The following MORF4L1 variants were observed in gnomAD, a reference collection of about 807,000 sequenced individuals.
The protein encoded by MORF4L1 is mortality factor 4 like 1.
A neutral mutation model predicts 52.9 loss-of-function variants in MORF4L1; 4 were observed. That is an observed-to-expected ratio of 0.08 (90% CI 0.04 to 0.17). The LOEUF (loss-of-function observed/expected upper bound fraction) is 0.17, where lower values mean the gene tolerates loss of function less well. Ranked by LOEUF, MORF4L1 falls within the 10% of genes least tolerant of loss-of-function variation. The pLI is 1.00. For missense variants in MORF4L1, 214 were observed against 390.4 expected, an observed-to-expected ratio of 0.55 and a Z score of 3.81; for synonymous variants, 123 against 134.8, an observed-to-expected ratio of 0.91 and a Z score of 0.61.
At chr15:78,887,607 G>A (rs1226520923) in intron 5 of MORF4L1, among the ~76,000 whole-genome samples, 1 of 152,146 alleles carries the variant, frequency 6.6e-6, no homozygotes, top group East Asian at 1.9e-4. Context: ...TAGTACTAGT[G>A]GTTATAAGTT....
chr15:78,894,320 AT>A, intron 10 of MORF4L1, 90 bp downstream of exon 10: 1 of 1,012,018 alleles, frequency 9.9e-7, no homozygotes, highest in Non-Finnish European at 1.4e-6. Context: ...TTTCCAAAAC[AT>A]GACTCCCATT....
intron 2 of MORF4L1, among the ~76,000 whole-genome samples, chr15:78,878,484 A>C (rs1218553846): frequency 6.6e-6 from 1 of 152,168 alleles, no homozygotes; most frequent in African/African-American, 2.4e-5. Flanking sequence ...ACTCATCTGG[A>C]AGTAGCATTT....
At chr15:78,884,849 C>T (rs950044271) in intron 3 of MORF4L1, 8 of 561,712 alleles carry the variant, frequency 1.4e-5, no homozygotes, top group Non-Finnish European at 2.4e-5. Flanking sequence ...TTTCAAACCT[C>T]ATTGGAATTT....
intron 3 of MORF4L1, among the ~76,000 whole-genome samples, chr15:78,882,810 G>A (rs1390290223): frequency 2.8e-5 from 2 of 72,264 alleles, no homozygotes; most frequent in Non-Finnish European, 5.2e-5. Context: ...GTATGGTGGT[G>A]CCTATAGTTT....
At chr15:78,888,344 G>T (rs1263461792) in intron 5 of MORF4L1, among the ~76,000 whole-genome samples, 2 of 151,862 alleles carry the variant, frequency 1.3e-5, no homozygotes, top group Non-Finnish European at 2.9e-5. Context: ...GCACATGCTT[G>T]TAGTCCCACC....
rs1018641431 is a variant in MORF4L1, at chr15:78,897,763, A to G, written c.*696A>G. The G allele has an allele frequency of 6.6e-6, 1 of 152,626 alleles. No homozygotes were observed. Among genetic ancestry groups the G allele is most frequent in the Non-Finnish European group, 1.5e-5 (1 of 68,044 alleles). 9.5% of individuals were successfully genotyped at this position (152,626 alleles called of 1,614,324 possible). On this transcript the variant is annotated 3_prime_UTR_variant, in exon 12 of 12. Coordinates refer to ENST00000426013, the MANE Select transcript of MORF4L1 (RefSeq NM_006791.4). ...AATGTGCTTGTGTTGATGCCTTACA[A>G]AAACCATTGTATATTTGTGTATTCC...
intron 1 of MORF4L1, among the ~76,000 whole-genome samples, chr15:78,875,935 TTTTGTTTTG>T (rs2056479642): frequency 6.8e-6 from 1 of 147,978 alleles, no homozygotes; most frequent in African/African-American, 2.7e-5. Flanking sequence ...TGTTTTTTTG[TTTTGTTTTG>T]TTTTTTTCTT....
At chr15:78,873,337 A>C in intron 1 of MORF4L1, 1 of 923,602 alleles carries the variant, frequency 1.1e-6, no homozygotes, top group Non-Finnish European at 1.4e-6. Flanking sequence ...GTTCTGAGGA[A>C]GAGGGCGCGG....
chr15:78,884,935 G>A, intron 3 of MORF4L1: 1 of 1,521,638 alleles, frequency 6.6e-7, no homozygotes, highest in South Asian at 1.2e-5. Context: ...CCTGGTCACT[G>A]AGATTACTTT....
intron 2 of MORF4L1, 152 bp from the exon 3 acceptor site, chr15:78,880,360 T>C: frequency 1.7e-6 from 1 of 598,288 alleles, no homozygotes; most frequent in East Asian, 3.2e-5. Context: ...ATCTTCAGTT[T>C]TGTAACTTGA....
intron 3 of MORF4L1, among the ~76,000 whole-genome samples, chr15:78,883,873 T>C (rs190582438): frequency 2.6e-5 from 4 of 152,316 alleles, no homozygotes; most frequent in East Asian, 1.9e-4. Flanking sequence ...CCATGGATCA[T>C]TGTGACTCTG....
chr15:78,885,027 C>A (rs765977373), intron 3 of MORF4L1: 8 of 1,613,948 alleles, frequency 5.0e-6, no homozygotes, highest in Non-Finnish European at 6.8e-6. Flanking sequence ...ATATTGTAGC[C>A]CTTTTTCCTG....
intron 4 of MORF4L1, 126 bp downstream of exon 4, chr15:78,886,353 G>A (rs1460159037): frequency 1.2e-6 from 1 of 821,360 alleles, no homozygotes; most frequent in Admixed American, 2.1e-5. Flanking sequence ...CCTTTCAGCT[G>A]CTGTGTTACA....
intron 2 of MORF4L1, among the ~76,000 whole-genome samples, chr15:78,879,501 T>TGAGCC (rs955214256): frequency 1.3e-5 from 2 of 152,182 alleles, no homozygotes; most frequent in African/African-American, 2.4e-5. Flanking sequence ...ATTAGAGGTG[T>TGAGCC]GAGCCATTGC....
intron 5 of MORF4L1, among the ~76,000 whole-genome samples, chr15:78,888,266 A>G (rs1474193555): frequency 6.6e-6 from 1 of 151,754 alleles, no homozygotes; most frequent in African/African-American, 2.4e-5. Context: ...GGAGTTTGAG[A>G]CCAACTTGGG....
chr15:78,876,659 T>G (rs934875741), intron 1 of MORF4L1: 21 of 446,126 alleles, frequency 4.7e-5, no homozygotes, highest in Non-Finnish European at 6.8e-5. Flanking sequence ...TGATCTGATC[T>G]TGTTCGCTGT....
chr15:78,875,987 G>A (rs2056481299), intron 1 of MORF4L1, among the ~76,000 whole-genome samples: 1 of 151,844 alleles, frequency 6.6e-6, no homozygotes. Context: ...GCCCAGGCTG[G>A]AGTCCAGTGG....
chr15:78,887,160 A>G (rs1387214861), intron 4 of MORF4L1, 109 bp from the exon 5 acceptor site: 1 of 903,952 alleles, frequency 1.1e-6, no homozygotes, highest in African/African-American at 1.7e-5. Flanking sequence ...AACTTGTTAA[A>G]AACTTGTTGC....
At chr15:78,895,924 A>G (rs144446889) in intron 11 of MORF4L1, among the ~76,000 whole-genome samples, 1,578 of 152,146 alleles carry the variant, frequency 0.01, 33 homozygotes, top group African/African-American at 0.037. Context: ...CAGTTTCTTT[A>G]TGGAATGTGC....
Sources: allele counts gnomAD v4.1 joint callset (sites outside exome capture counted in the v4.1 genomes callset), GRCh38; gene constraint gnomAD v4.1.1; transcripts MANE v1.5; gene names NCBI Gene and HGNC (gene_info 2026-07-23, HGNC 2026-07-21).